KCNK17: variants seen among roughly 807,000 people sequenced by gnomAD.
KCNK17 encodes the protein potassium channel subfamily K member 17.
Under a neutral mutation model 24.6 loss-of-function variants are expected in KCNK17, and 27 were observed. The observed-to-expected ratio is 1.10, with a 90% CI of 0.81 to 1.51. KCNK17 has a LOEUF of 1.51. Among genes scored for constraint, KCNK17 ranks in the 40% most tolerant of loss-of-function variants. KCNK17 has a pLI of 0.00. For missense variants in KCNK17, 450 were observed against 436.6 expected, an observed-to-expected ratio of 1.03 and a Z score of -0.27; for synonymous variants, 181 against 189.8, an observed-to-expected ratio of 0.95 and a Z score of 0.38.
chr6:39,310,761 T>C (rs528892546), intron 2 of KCNK17, 132 bp downstream of exon 2: 6 of 611,122 alleles, frequency 9.8e-6, no homozygotes, highest in African/African-American at 7.4e-5. Flanking sequence ...GCGGTGTCCA[T>C]GCTGCAGAGC....
At chr6:39,312,056 C>T (rs1762149940) in intron 1 of KCNK17, among the ~76,000 whole-genome samples, 1 of 152,136 alleles carries the variant, frequency 6.6e-6, no homozygotes, top group Non-Finnish European at 1.5e-5. Context: ...GATAGACGGG[C>T]CCTGGCCTGT....
Position 39,313,675 on chromosome 6 carries a change from G to C in KCNK17, c.237+409C>G, listed in dbSNP as rs1762199762. Among the ~76,000 whole-genome samples the C allele has an allele frequency of 2.0e-5, 3 of 152,146 alleles. No individual in the cohort carries two copies. In the South Asian group the frequency reaches 6.2e-4, roughly 31 times the overall value. On this transcript the variant is annotated intron_variant, in intron 1 of 4. Coordinates refer to ENST00000373231, the MANE Select transcript of KCNK17 (RefSeq NM_031460.4). The stretch of plus-strand genomic sequence containing the variant: ...AGCTCTTTGCCACGGGTGCGGGTGC[G>C]ACCAACCCCCAAGCAGGCTCAAACG...
At chr6:39,312,528 T>A (rs985852238) in intron 1 of KCNK17, among the ~76,000 whole-genome samples, 7 of 152,178 alleles carry the variant, frequency 4.6e-5, no homozygotes, top group African/African-American at 1.7e-4. Context: ...TGCATTCGTA[T>A]GTAACCTCTC....
chr6:39,314,411 C>G lies in KCNK17; in HGVS notation c.-91G>C. ...GGCGTCCAGCTCGTATCTCCTCTCG[C>G]AAACGCCTGCTGGTGCCCGGTTTCG... On this transcript the variant is annotated 5_prime_UTR_variant, in exon 1 of 5. Transcript: ENST00000373231. The G allele has an allele frequency of 1.1e-6, 1 of 941,682 alleles. No homozygotes were observed. The highest frequency in any genetic ancestry group is 1.5e-6 in the Non-Finnish European group (1 of 671,010). The allele number at this position is 941,682 out of a possible 1,614,324, so 58.3% of individuals were successfully genotyped here.
At chr6:39,308,842 A>G (rs1395564968) in intron 2 of KCNK17, among the ~76,000 whole-genome samples, 2 of 152,150 alleles carry the variant, frequency 1.3e-5, no homozygotes, top group Non-Finnish European at 2.9e-5. Flanking sequence ...GATGTACCTC[A>G]TCTTCCATCT....
At chr6:39,311,077 C>T in intron 1 of KCNK17, 70 bp from the exon 2 acceptor site, 1 of 69,046 alleles carries the variant, frequency 1.4e-5, no homozygotes, top group South Asian at 3.1e-4. Context: ...AAGATGCACA[C>T]ACACACACAC....
rs1762231263 is a variant in KCNK17 at position 39,314,398 on chromosome 6, G to A, written c.-78C>T. The A allele has an allele frequency of 6.6e-6, 7 of 1,065,172 alleles. No homozygotes were observed. The highest frequency in any genetic ancestry group is 1.7e-5 in the African/African-American group (1 of 59,418). The allele number at this position is 1,065,172 out of a possible 1,614,324, so 66.0% of individuals were successfully genotyped here. A position where few individuals can be genotyped will look rare whatever the true frequency, so the allele number is the denominator to read the frequency against. On this transcript the variant is annotated 5_prime_UTR_variant, in exon 1 of 5. In the 5' UTR this introduces an upstream ATG that the reference lacks. Coordinates refer to ENST00000373231, the MANE Select transcript of KCNK17 (RefSeq NM_031460.4). Reference sequence around the variant, plus strand: ...GAGGGAAGGGCCAGGCGTCCAGCTCGTATCTCCTCTCGCAAACGCCTGCTG... The same window carrying A: ...GAGGGAAGGGCCAGGCGTCCAGCTCATATCTCCTCTCGCAAACGCCTGCTG...
At chr6:39,307,828 C>T (rs1762061112) in intron 2 of KCNK17, among the ~76,000 whole-genome samples, 1 of 152,204 alleles carries the variant, frequency 6.6e-6, no homozygotes. Context: ...CTTCTCTGTA[C>T]TTTCTCTGAA....
chr6:39,312,971 G>T (rs894356976), intron 1 of KCNK17, among the ~76,000 whole-genome samples: 7 of 152,200 alleles, frequency 4.6e-5, no homozygotes, highest in Non-Finnish European at 1.0e-4. Flanking sequence ...GCTCCGCGCT[G>T]GGTCCCTTCC....
chr6:39,308,203 T>C (rs1270703358), intron 2 of KCNK17, among the ~76,000 whole-genome samples: 1 of 152,216 alleles, frequency 6.6e-6, no homozygotes, highest in Non-Finnish European at 1.5e-5. Flanking sequence ...CTAATTTTGA[T>C]TACCATTGTA....
intron 1 of KCNK17, 34 bp downstream of exon 1, chr6:39,314,050 C>T (rs1762214082): frequency 2.0e-6 from 3 of 1,503,314 alleles, no homozygotes; most frequent in Non-Finnish European, 2.7e-6. Flanking sequence ...TACCCCATCC[C>T]GCCGCGCCCA....
intron 4 of KCNK17, chr6:39,300,663 C>A: frequency 1.2e-6 from 1 of 812,476 alleles, no homozygotes; most frequent in Non-Finnish European, 2.0e-6. Context: ...AGGATGAAGT[C>A]CAAATCCTCA....
At chr6:39,304,181 G>C (rs367998321) in intron 3 of KCNK17, 50 bp from the exon 4 acceptor site, 52 of 1,561,956 alleles carry the variant, frequency 3.3e-5, no homozygotes, top group Non-Finnish European at 4.2e-5. Context: ...CACCCCATGC[G>C]TGGGAGCCGA....
At chr6:39,304,248 C>A in intron 3 of KCNK17, 117 bp from the exon 4 acceptor site, 1 of 1,025,572 alleles carries the variant, frequency 9.8e-7, no homozygotes, top group South Asian at 1.6e-5. Context: ...TTCACCTGGT[C>A]TGTGTTCTCC....
At chr6:39,304,704 C>CA in intron 2 of KCNK17, 49 bp from the exon 3 acceptor site, 1 of 1,578,190 alleles carries the variant, frequency 6.3e-7, no homozygotes, top group Non-Finnish European at 8.7e-7. Flanking sequence ...CAGCCCTGTC[C>CA]ACTCACCACC....
chr6:39,306,274 C>T (rs902774374), intron 2 of KCNK17, among the ~76,000 whole-genome samples: 3 of 152,190 alleles, frequency 2.0e-5, no homozygotes, highest in African/African-American at 7.2e-5. Flanking sequence ...GAGCTCCTGA[C>T]CTCAGGCGAT....
Position 39,304,173 on chromosome 6 carries a change from C to T in KCNK17, c.514-42G>A, listed in dbSNP as rs753618295. 12 of 1,579,098 alleles carry T rather than the reference C, an allele frequency of 7.6e-6. No individual in the cohort carries two copies. The East Asian group carries it at 1.6e-4, about 21-fold the overall frequency. ...GTCCCCAGGCCTCCTGAGGCCTTCACCCCATGCGTGGGAGCCGAGGGAGCT... is the reference window on the plus strand; with the variant it reads ...GTCCCCAGGCCTCCTGAGGCCTTCATCCCATGCGTGGGAGCCGAGGGAGCT... On this transcript the variant is annotated intron_variant, in intron 3 of 4. Transcript: ENST00000373231.
rs1562081376 is a variant in KCNK17, at chr6:39,304,057, T to G, written c.588A>C (p.Pro196=). 1 of 1,613,464 alleles carries G rather than the reference T, an allele frequency of 6.2e-7. No homozygotes were observed. Among genetic ancestry groups the G allele is most frequent in the African/African-American group, 1.3e-5 (1 of 74,896 alleles). Residue 196 remains proline (P), a synonymous_variant, in exon 4 of 5, where the codon CCA becomes CCC. Transcript: ENST00000373231. ...CCTCCATGTGGGAGAAGAGCAGCGG[T>G]GGCAGCAGCAGGAAGAGCAGGAGGC... is the stretch of plus-strand genomic sequence containing the variant. ...LSGLLLFLLL[P]PLLFSHMEGW...
At chr6:39,308,373 C>T (rs1355527762) in intron 2 of KCNK17, among the ~76,000 whole-genome samples, 1 of 152,234 alleles carries the variant, frequency 6.6e-6, no homozygotes, top group Non-Finnish European at 1.5e-5. Context: ...TCACTGCAAC[C>T]TCCGCCTCCC....
Sources: allele counts gnomAD v4.1 joint callset (sites outside exome capture counted in the v4.1 genomes callset), GRCh38; gene constraint gnomAD v4.1.1; transcripts MANE v1.5; gene names NCBI Gene and HGNC (gene_info 2026-07-23, HGNC 2026-07-21).